JAKMIP1: variants seen among roughly 807,000 people sequenced by gnomAD.
The protein encoded by JAKMIP1 is janus kinase and microtubule interacting protein 1.
Under a neutral mutation model 113.0 loss-of-function variants are expected in JAKMIP1, and 33 were observed. The observed-to-expected ratio is 0.29, with a 90% CI of 0.22 to 0.39. The LOEUF (loss-of-function observed/expected upper bound fraction) is 0.39, where lower values mean the gene tolerates loss of function less well. JAKMIP1 is among the 10% of genes least tolerant of loss of function. The probability of loss-of-function intolerance (pLI) is 1.00; values close to 1 mark genes in which losing one functional copy is unlikely to be tolerated. For synonymous variants in JAKMIP1, 480 were observed against 459.9 expected (o/e 1.04, Z -0.56); for missense variants, 813 against 1,080.5 (o/e 0.75, Z 3.47).
Position 6,143,109 on chromosome 4 carries a change from G to A in JAKMIP1, c.-147-30112C>T, listed in dbSNP as rs913449368. Reference sequence around the variant, plus strand: ...TGAGCAAGTTTCTCAGCCTCTCTGAGCCTCTGCCACCCACCTATTAAGCAG... The same window carrying A: ...TGAGCAAGTTTCTCAGCCTCTCTGAACCTCTGCCACCCACCTATTAAGCAG... On this transcript the variant is annotated intron_variant, in intron 1 of 20. Transcript: ENST00000409021. The surrounding 1 kb of genome is among the most constrained non-coding windows in gnomAD (Gnocchi z 4.9). 6.6e-6 allele frequency among the ~76,000 whole-genome samples: 1 copy of A among 152,188 alleles called. No homozygotes were observed. The highest frequency in any genetic ancestry group is 2.4e-5 in the African/African-American group (1 of 41,444).
rs1014092338 is a variant in JAKMIP1 at position 6,108,521 on chromosome 4, G to C, written c.130-2554C>G. 6.6e-6 allele frequency among the ~76,000 whole-genome samples: 1 copy of C among 152,160 alleles called. No homozygotes were observed. Among genetic ancestry groups the C allele is most frequent in the African/African-American group, 2.4e-5 (1 of 41,438 alleles). On this transcript the variant is annotated intron_variant, in intron 2 of 20. Transcript: ENST00000409021. This position sits in a 1 kb window ranked among gnomAD's most constrained non-coding sequence, Gnocchi z 5.6. ...CCCTCACTTGCCACTCCCACTCAGA[G>C]AGTGAGTCAGATTCACCCCTTTCCA...
In JAKMIP1 at chr4:6,142,224, T is replaced by C. The variant is rs1720262976; in HGVS notation, c.-147-29227A>G. ...ACTTTGGTTATTTCTGAGGATTTTG[T>C]ACAGATTTAGAATTTTTTTCCATGG... On this transcript the variant is annotated intron_variant, in intron 1 of 20. Coordinates refer to ENST00000409021, the MANE Select transcript of JAKMIP1 (RefSeq NM_001099433.2). The surrounding 1 kb of genome is among the most constrained non-coding windows in gnomAD (Gnocchi z 5.5). Among the ~76,000 whole-genome samples, 1 of 152,196 alleles carries C rather than the reference T, an allele frequency of 6.6e-6. No homozygotes were observed. Among genetic ancestry groups the C allele is most frequent in the African/African-American group, 2.4e-5 (1 of 41,430 alleles).
intron 3 of JAKMIP1, among the ~76,000 whole-genome samples, chr4:6,096,109 A>C (rs1398337005): frequency 2.6e-5 from 4 of 152,182 alleles, no homozygotes; most frequent in Admixed American, 2.0e-4. Flanking sequence ...CCAAGGACAC[A>C]GGAGTGCCTG....
At position 6,173,412 on chromosome 4, in the gene JAKMIP1, G is replaced by A. The variant is rs557192118; in HGVS notation, c.-148+26841C>T. 2.2e-4 allele frequency among the ~76,000 whole-genome samples: 33 copies of A among 152,322 alleles called. 2 individuals are homozygous for A. In the South Asian group the frequency reaches 6.2e-3, roughly 29 times the overall value. On this transcript the variant is annotated intron_variant, in intron 1 of 20. Transcript: ENST00000409021. ...CTTCGTCAAAAGCCTCTGGCTTTATGTCAAAACTGCTCCCCAAGAGGATGC... is the reference window on the plus strand; with the variant it reads ...CTTCGTCAAAAGCCTCTGGCTTTATATCAAAACTGCTCCCCAAGAGGATGC...
intron 4 of JAKMIP1, 38 bp from the exon 5 acceptor site, chr4:6,085,003 G>A (rs552114880): frequency 1.9e-5 from 26 of 1,356,874 alleles, no homozygotes; most frequent in Middle Eastern, 4.0e-4. Flanking sequence ...AAGTCAAGAC[G>A]TAAATGTACT....
At chr4:6,096,810 A>G (rs922726037) in intron 3 of JAKMIP1, among the ~76,000 whole-genome samples, 1 of 152,256 alleles carries the variant, frequency 6.6e-6, no homozygotes, top group African/African-American at 2.4e-5. Context: ...AAGTCTAAAC[A>G]TGAAATCCAT....
Position 6,069,872 on chromosome 4 carries a change from G to A in JAKMIP1, c.1303-4864C>T, listed in dbSNP as rs185058745. Among the ~76,000 whole-genome samples, 611 of 152,242 alleles carry A rather than the reference G, an allele frequency of 4.0e-3. 4 individuals carry two copies. The highest frequency in any genetic ancestry group is 0.014 in the African/African-American group (582 of 41,530). On this transcript the variant is annotated intron_variant, in intron 8 of 20. Coordinates refer to ENST00000409021, the MANE Select transcript of JAKMIP1 (RefSeq NM_001099433.2). This position sits in a 1 kb window ranked among gnomAD's most constrained non-coding sequence, Gnocchi z 4.5. ...CTCAGCGGGTCAGATGAAGCAGAGG[G>A]AAAAAGAGGAGGTACCCCCAAAACA...
In JAKMIP1 at chr4:6,043,189, C is replaced by T. The variant is rs149745927; in HGVS notation, c.2029-962G>A. Among the ~76,000 whole-genome samples the T allele has an allele frequency of 7.2e-3, 1,090 of 152,000 alleles. 5 individuals carry two copies. The highest frequency in any genetic ancestry group is 0.013 in the Non-Finnish European group (852 of 67,930). ...CCACTGCCAGGCCCCAGCTGCGGAG[C>T]GCCCTCTTTCCCGACCCCAGGCCCC... On this transcript the variant is annotated intron_variant, in intron 16 of 20. Coordinates refer to ENST00000409021, the MANE Select transcript of JAKMIP1 (RefSeq NM_001099433.2).
At chr4:6,144,430 T>A (rs1213915748) in intron 1 of JAKMIP1, among the ~76,000 whole-genome samples, 4 of 152,184 alleles carry the variant, frequency 2.6e-5, no homozygotes, top group Admixed American at 2.6e-4. Flanking sequence ...AGATATCATA[T>A]GAAAACTACA....
At chr4:6,126,560 A>G (rs1385642010) in intron 1 of JAKMIP1, among the ~76,000 whole-genome samples, 3 of 149,126 alleles carry the variant, frequency 2.0e-5, no homozygotes, top group Non-Finnish European at 4.5e-5. Flanking sequence ...AACACACACC[A>G]TGCAGAAACA....
chr4:6,110,941 T>C (rs961824047), intron 2 of JAKMIP1, among the ~76,000 whole-genome samples: 2 of 151,458 alleles, frequency 1.3e-5, no homozygotes, highest in Non-Finnish European at 2.9e-5. Context: ...CCTGTTGACC[T>C]GGCTAAAGGG....
At chr4:6,072,523 C>T (rs949928249) in intron 8 of JAKMIP1, among the ~76,000 whole-genome samples, 7 of 152,156 alleles carry the variant, frequency 4.6e-5, no homozygotes, top group Non-Finnish European at 8.8e-5. Flanking sequence ...AACAAGCCCT[C>T]GCCCCTCCCA....
chr4:6,031,594 C>T lies in JAKMIP1; in HGVS notation c.2380-1813G>A, dbSNP rs530556640. Among the ~76,000 whole-genome samples the T allele has an allele frequency of 3.9e-5, 6 of 152,244 alleles. No individual in the cohort carries two copies. The East Asian group carries it at 1.2e-3, about 30-fold the overall frequency. On this transcript the variant is annotated intron_variant, in intron 19 of 20. Coordinates refer to ENST00000409021, the MANE Select transcript of JAKMIP1 (RefSeq NM_001099433.2). The surrounding 1 kb of genome is among the most constrained non-coding windows in gnomAD (Gnocchi z 4.4). ...TTGGTGGGGGGTCGGGGACAGAGCT[C>T]AGAGGGTCTGGAATGGCCCATGTCC...
At position 6,142,683 on chromosome 4, in the gene JAKMIP1, G is replaced by A. The variant is rs756957653; in HGVS notation, c.-147-29686C>T. Among the ~76,000 whole-genome samples, 23 of 152,290 alleles carry A rather than the reference G, an allele frequency of 1.5e-4. No homozygotes were observed. The highest frequency in any genetic ancestry group is 1.8e-4 in the Non-Finnish European group (12 of 68,024). On this transcript the variant is annotated intron_variant, in intron 1 of 20. Coordinates refer to ENST00000409021, the MANE Select transcript of JAKMIP1 (RefSeq NM_001099433.2). The surrounding 1 kb of genome is among the most constrained non-coding windows in gnomAD (Gnocchi z 5.5). The stretch of plus-strand genomic sequence containing the variant: ...ACAGGCACAGCTCTGCTTCCCAGCC[G>A]CCACCCTGAGGTTTCCAGGAGATGG...
intron 1 of JAKMIP1, among the ~76,000 whole-genome samples, chr4:6,171,361 A>G (rs1724677688): frequency 1.4e-5 from 2 of 143,596 alleles, no homozygotes; most frequent in Admixed American, 6.9e-5. Flanking sequence ...CACCTCCACT[A>G]CCACCCTCCT....
chr4:6,123,046 G>A (rs538983917), intron 1 of JAKMIP1, among the ~76,000 whole-genome samples: 18 of 152,324 alleles, frequency 1.2e-4, no homozygotes, highest in Non-Finnish European at 1.9e-4. Flanking sequence ...CCCTTTAAAC[G>A]AAAGATGTCA....
chr4:6,155,668 G>T lies in JAKMIP1; in HGVS notation c.-147-42671C>A, dbSNP rs1306207372. Reference sequence around the variant, plus strand: ...CTGTTTACAACAAGGAAAATAAGCAGCCAACTAAATATTTGCTAAATATTC... The same window carrying T: ...CTGTTTACAACAAGGAAAATAAGCATCCAACTAAATATTTGCTAAATATTC... On this transcript the variant is annotated intron_variant, in intron 1 of 20. Transcript: ENST00000409021. The surrounding 1 kb of genome is among the most constrained non-coding windows in gnomAD (Gnocchi z 6.1). Among the ~76,000 whole-genome samples, 1 of 152,234 alleles carries T rather than the reference G, an allele frequency of 6.6e-6. No individual in the cohort carries two copies. Among genetic ancestry groups the T allele is most frequent in the East Asian group, 1.9e-4 (1 of 5,200 alleles).
chr4:6,134,464 C>T (rs548367117), intron 1 of JAKMIP1, among the ~76,000 whole-genome samples: 1 of 151,440 alleles, frequency 6.6e-6, no homozygotes, highest in Non-Finnish European at 1.5e-5. Flanking sequence ...TCCACCTGTT[C>T]ATCTTCTTTA....
At chr4:6,182,852 C>A (rs1159128268) in intron 1 of JAKMIP1, among the ~76,000 whole-genome samples, 1 of 152,226 alleles carries the variant, frequency 6.6e-6, no homozygotes, top group Non-Finnish European at 1.5e-5. Context: ...CCAAACACTT[C>A]CTATAACTCC....
Sources: gnomAD v4.1 joint callset for allele counts (sites outside exome capture counted in the v4.1 genomes callset) on GRCh38, gnomAD v4.1.1 for gene constraint, Gnocchi (gnomAD v3.1) non-coding constraint, MANE v1.5 for transcripts, NCBI Gene and HGNC (gene_info 2026-07-23, HGNC 2026-07-21) for gene names.